CCND2: variants seen among roughly 807,000 people sequenced by gnomAD.
CCND2 encodes cyclin D2.
CCND2 carries 6 observed loss-of-function variants against 30.2 expected under a neutral mutation model. The ratio of observed to expected loss-of-function variants is 0.20; its 90% confidence interval spans 0.11 to 0.39. CCND2 has a LOEUF of 0.39. Among genes scored for constraint, CCND2 ranks in the 10% least tolerant of loss-of-function variants. The probability of loss-of-function intolerance (pLI) is 1.00; values close to 1 mark genes in which losing one functional copy is unlikely to be tolerated. For missense variants in CCND2, 235 were observed against 373.4 expected (o/e 0.63, Z 3.06); for synonymous variants, 150 against 153.1 (o/e 0.98, Z 0.15).
intron 4 of CCND2, among the ~76,000 whole-genome samples, chr12:4,292,768 C>T (rs1017505747): frequency 2.6e-5 from 4 of 151,992 alleles, no homozygotes; most frequent in East Asian, 1.9e-4. Context: ...GTAGGGGGGA[C>T]GTCTATTGGG....
chr12:4,288,307 C>T lies in CCND2; in HGVS notation c.572-535C>T, dbSNP rs114451090. On this transcript the variant is annotated intron_variant, in intron 3 of 4. Transcript: ENST00000261254. ...CTGTCCAGAGACTATAACAAGATCC[C>T]ATCTGAATTAGCATTATGCATAGAT... is the stretch of plus-strand genomic sequence containing the variant. Among the ~76,000 whole-genome samples, 411 of 151,356 alleles carry T rather than the reference C, an allele frequency of 2.7e-3. 2 individuals carry two copies. The highest frequency in any genetic ancestry group is 9.7e-3 in the African/African-American group (400 of 41,120).
At chr12:4,286,629 A>G (rs1021126681) in intron 3 of CCND2, among the ~76,000 whole-genome samples, 1 of 152,176 alleles carries the variant, frequency 6.6e-6, no homozygotes, top group African/African-American at 2.4e-5. Context: ...GTGCTCCCCA[A>G]TTCTGTGGGA....
At position 4,288,122 on chromosome 12, in the gene CCND2, T is replaced by C. The variant is rs545774737; in HGVS notation, c.572-720T>C. Among the ~76,000 whole-genome samples, 20 of 152,282 alleles carry C rather than the reference T, an allele frequency of 1.3e-4. No individual in the cohort carries two copies. The East Asian group carries it at 3.9e-3, about 29-fold the overall frequency. On this transcript the variant is annotated intron_variant, in intron 3 of 4. Coordinates refer to ENST00000261254, the MANE Select transcript of CCND2 (RefSeq NM_001759.4). ...ATGTTAGGGTTAGAATCCTCTGCCC[T>C]AATGTTCTGAGGGTTCTTGCTGTTG...
chr12:4,274,432 G>C lies in CCND2; in HGVS notation c.195+197G>C, dbSNP rs1441979629. On this transcript the variant is annotated intron_variant, in intron 1 of 4. Transcript: ENST00000261254. The surrounding 1 kb of genome is among the most constrained non-coding windows in gnomAD (Gnocchi z 7.7). ...CCAGATAAACTGGGGAGGCAGAGGG[G>C]GGAGGAAAATCTGGGAGAAGCGAGG... Among the ~76,000 whole-genome samples, 1 of 152,230 alleles carries C rather than the reference G, an allele frequency of 6.6e-6. No homozygotes were observed. The highest frequency in any genetic ancestry group is 6.5e-5 in the Admixed American group (1 of 15,294).
At chr12:4,283,541 A>G (rs1190606167) in intron 3 of CCND2, among the ~76,000 whole-genome samples, 1 of 152,218 alleles carries the variant, frequency 6.6e-6, no homozygotes, top group East Asian at 1.9e-4. Context: ...CCAAGACTTC[A>G]TTGATTCACC....
At position 4,288,846 on chromosome 12, in the gene CCND2, T is replaced by G; in HGVS notation, c.576T>G (p.Phe192Leu). 6.2e-7 allele frequency: 1 copy of G among 1,610,684 alleles called. No homozygotes were observed. The highest frequency in any genetic ancestry group is 8.5e-7 in the Non-Finnish European group (1 of 1,178,404). ...QTFIALCATD[F>L]KFAMYPPSMI... The stretch of plus-strand genomic sequence containing the variant: ...TCTGCCTCTCATTCCTTGCAGACTT[T>G]AAGTTTGCCATGTACCCACCGTCGA... The change falls in exon 4 of 5, where the codon TTT (phenylalanine) becomes TTG (leucine). Residue 192 changes from phenylalanine (F) to leucine (L), a missense_variant. By Grantham distance (22) the Phe-to-Leu change is conservative. Around this residue, in one of 2 missense-constraint regions of CCND2, gnomAD observed 178 missense variants for 322.8 expected, o/e 0.55. Transcript: ENST00000261254.
rs1864227808 is a variant in CCND2, at chr12:4,300,082, CT to C, written c.*76del. On this transcript the variant is annotated 3_prime_UTR_variant, in exon 5 of 5. Coordinates refer to ENST00000261254, the MANE Select transcript of CCND2 (RefSeq NM_001759.4). ...CTTCTTCTTTCTGGTTGTTTTTGTT[CT>C]TTGTGTTTTAGGGTGAAACTTAAAA... 2 of 1,452,890 alleles carry C rather than the reference CT, an allele frequency of 1.4e-6. No individual in the cohort carries two copies. Among genetic ancestry groups the C allele is most frequent in the Admixed American group, 4.6e-5 (2 of 43,148 alleles). 90.0% of individuals were successfully genotyped at this position (1,452,890 alleles called of 1,614,324 possible). A position where few individuals can be genotyped will look rare whatever the true frequency, so the allele number is the denominator to read the frequency against.
chr12:4,295,106 G>T (rs1328719063), intron 4 of CCND2, among the ~76,000 whole-genome samples: 1 of 152,178 alleles, frequency 6.6e-6, no homozygotes, highest in Non-Finnish European at 1.5e-5. Context: ...AGTCCAAAAA[G>T]GGCCCCTGCC....
At position 4,302,283 on chromosome 12, in the gene CCND2, C is replaced by T. The variant is rs953931569; in HGVS notation, c.*2274C>T. On this transcript the variant is annotated 3_prime_UTR_variant, in exon 5 of 5. Coordinates refer to ENST00000261254, the MANE Select transcript of CCND2 (RefSeq NM_001759.4). The stretch of plus-strand genomic sequence containing the variant: ...GATCCTCCCTCCCCTTCAAGGCAGA[C>T]GTTCAGTACAAACATTTATGCGGTA... The T allele has an allele frequency of 8.6e-6, 2 of 232,812 alleles. No individual in the cohort carries two copies. The highest frequency in any genetic ancestry group is 2.2e-5 in the African/African-American group (1 of 45,278). 14.4% of individuals were successfully genotyped at this position (232,812 alleles called of 1,614,324 possible).
At chr12:4,288,725 C>G in intron 3 of CCND2, 117 bp from the exon 4 acceptor site, 2 of 916,390 alleles carry the variant, frequency 2.2e-6, no homozygotes, top group South Asian at 1.6e-5. Context: ...CTGTAGGGCA[C>G]GGGGTCACTC....
chr12:4,297,200 T>C (rs761697681), intron 4 of CCND2, among the ~76,000 whole-genome samples: 1 of 152,214 alleles, frequency 6.6e-6, no homozygotes, highest in Non-Finnish European at 1.5e-5. Flanking sequence ...TTTGATTCTA[T>C]ATTTAGTATT....
At position 4,282,250 on chromosome 12, in the gene CCND2, C is replaced by T. The variant is rs1348661088; in HGVS notation, c.571+3331C>T. 6.6e-6 allele frequency among the ~76,000 whole-genome samples: 1 copy of T among 152,142 alleles called. No individual in the cohort carries two copies. The highest frequency in any genetic ancestry group is 1.9e-4 in the East Asian group (1 of 5,184). On this transcript the variant is annotated intron_variant, in intron 3 of 4. Coordinates refer to ENST00000261254, the MANE Select transcript of CCND2 (RefSeq NM_001759.4). The surrounding 1 kb of genome is among the most constrained non-coding windows in gnomAD (Gnocchi z 4.3). ...GGGTAGGGGGAGGTGCTCACCCTCCCTCTCCAGGCACCCACATCCCCTCTT... is the reference window on the plus strand; with the variant it reads ...GGGTAGGGGGAGGTGCTCACCCTCCTTCTCCAGGCACCCACATCCCCTCTT...
At chr12:4,288,482 CTA>C (rs2120559376) in intron 3 of CCND2, among the ~76,000 whole-genome samples, 1 of 152,250 alleles carries the variant, frequency 6.6e-6, no homozygotes, top group East Asian at 1.9e-4. Context: ...CTAGAGGAGA[CTA>C]TGACTCGCTC....
Position 4,276,254 on chromosome 12 carries a change from C to G in CCND2, c.411+34C>G. On this transcript the variant is annotated intron_variant, in intron 2 of 4. Transcript: ENST00000261254. The surrounding 1 kb of genome is among the most constrained non-coding windows in gnomAD (Gnocchi z 4.8). ...CGGCCCCTTCCTCCCTTCCTTTCTG[C>G]GATTCCCGCTTTCCCCTGGCCAACA... 6.4e-7 allele frequency: 1 copy of G among 1,573,256 alleles called. No individual in the cohort carries two copies. The highest frequency in any genetic ancestry group is 2.3e-5 in the East Asian group (1 of 44,296).
At chr12:4,290,908 GTCC>G (rs1283054467) in intron 4 of CCND2, among the ~76,000 whole-genome samples, 1 of 152,182 alleles carries the variant, frequency 6.6e-6, no homozygotes, top group East Asian at 1.9e-4. Context: ...GTTTAGGGGT[GTCC>G]TCCTATAAAT....
Position 4,285,473 on chromosome 12 carries a change from T to C in CCND2, c.572-3369T>C. 1 of 967,080 alleles carries C rather than the reference T, an allele frequency of 1.0e-6. No individual in the cohort carries two copies. The highest frequency in any genetic ancestry group is 1.2e-6 in the Non-Finnish European group (1 of 813,124). 59.9% of individuals were successfully genotyped at this position (967,080 alleles called of 1,614,324 possible). A position where few individuals can be genotyped will look rare whatever the true frequency, so the allele number is the denominator to read the frequency against. On this transcript the variant is annotated intron_variant, in intron 3 of 4. Coordinates refer to ENST00000261254, the MANE Select transcript of CCND2 (RefSeq NM_001759.4). The surrounding 1 kb of genome is among the most constrained non-coding windows in gnomAD (Gnocchi z 4.1). ...GTTAAAATAATATTACGTACAAATT[T>C]TACAAACTCATCTGTGTTTCTCCCA...
At position 4,285,027 on chromosome 12, in the gene CCND2, G is replaced by A. The variant is rs905336451; in HGVS notation, c.572-3815G>A. On this transcript the variant is annotated intron_variant, in intron 3 of 4. Coordinates refer to ENST00000261254, the MANE Select transcript of CCND2 (RefSeq NM_001759.4). The surrounding 1 kb of genome is among the most constrained non-coding windows in gnomAD (Gnocchi z 4.1). ...CTAGGATTACACTGTGAGCCACTGC[G>A]CCCAGCCTTCAAGAGCCCCCTTTCT... Among the ~76,000 whole-genome samples the A allele has an allele frequency of 8.6e-5, 13 of 152,016 alleles. No homozygotes were observed. Among genetic ancestry groups the A allele is most frequent in the African/African-American group, 2.2e-4 (9 of 41,368 alleles).
At position 4,276,244 on chromosome 12, in the gene CCND2, T is replaced by C; in HGVS notation, c.411+24T>C. 1.3e-6 allele frequency: 2 copies of C among 1,596,594 alleles called. No individual in the cohort carries two copies. Among genetic ancestry groups the C allele is most frequent in the South Asian group, 2.2e-5 (2 of 90,384 alleles). On this transcript the variant is annotated intron_variant, in intron 2 of 4. Coordinates refer to ENST00000261254, the MANE Select transcript of CCND2 (RefSeq NM_001759.4). This position sits in a 1 kb window ranked among gnomAD's most constrained non-coding sequence, Gnocchi z 4.8. ...TGGTAATGACCGGCCCCTTCCTCCC[T>C]TCCTTTCTGCGATTCCCGCTTTCCC...
Position 4,302,099 on chromosome 12 carries a change from C to T in CCND2, c.*2090C>T, listed in dbSNP as rs1448669381. On this transcript the variant is annotated 3_prime_UTR_variant, in exon 5 of 5. Coordinates refer to ENST00000261254, the MANE Select transcript of CCND2 (RefSeq NM_001759.4). ...CAGTTTCTGCTTGGGAGCCCATTCG[C>T]ATGAGGAATACAGAAGCAGTGTGAG... 1 of 233,144 alleles carries T rather than the reference C, an allele frequency of 4.3e-6. No homozygotes were observed. Among genetic ancestry groups the T allele is most frequent in the East Asian group, 6.0e-5 (1 of 16,538 alleles). The allele number at this position is 233,144 out of a possible 1,614,324, so 14.4% of individuals were successfully genotyped here.
Sources: allele counts gnomAD v4.1 joint callset (sites outside exome capture counted in the v4.1 genomes callset), GRCh38; gene constraint gnomAD v4.1.1; regional missense constraint gnomAD v4.1.1; non-coding constraint Gnocchi (gnomAD v3.1); transcripts MANE v1.5; gene names NCBI Gene and HGNC (gene_info 2026-07-23, HGNC 2026-07-21).